UBASH3B: variants seen among roughly 807,000 people sequenced by gnomAD.
UBASH3B encodes ubiquitin associated and SH3 domain containing B.
Under a neutral mutation model 83.4 loss-of-function variants are expected in UBASH3B, and 37 were observed. That is an observed-to-expected ratio of 0.44 (90% CI 0.34 to 0.58). UBASH3B has a LOEUF of 0.58. UBASH3B is among the 20% of genes least tolerant of loss of function. The pLI is 0.01. For synonymous variants in UBASH3B, 304 were observed against 318.3 expected, an observed-to-expected ratio of 0.96 and a Z score of 0.48; for missense variants, 657 against 827.2, an observed-to-expected ratio of 0.79 and a Z score of 2.52.
chr11:122,773,168 C>A (rs1307306729), intron 1 of UBASH3B, among the ~76,000 whole-genome samples: 1 of 152,210 alleles, frequency 6.6e-6, no homozygotes, highest in Admixed American at 6.5e-5. Context: ...GGGTCCACTC[C>A]GCATACTCCC....
chr11:122,663,646 A>G (rs538266487), intron 1 of UBASH3B, among the ~76,000 whole-genome samples: 18 of 152,184 alleles, frequency 1.2e-4, no homozygotes, highest in East Asian at 9.7e-4. Context: ...TGCCTCCCCA[A>G]TCCCAGCCGG....
intron 12 of UBASH3B, among the ~76,000 whole-genome samples, chr11:122,807,292 CTTGA>C (rs1348182379): frequency 2.0e-5 from 3 of 152,190 alleles, no homozygotes; most frequent in Non-Finnish European, 2.9e-5. Context: ...AGTCCTGTAT[CTTGA>C]TTGTCATGGT....
intron 1 of UBASH3B, among the ~76,000 whole-genome samples, chr11:122,769,825 C>T (rs1860611702): frequency 6.6e-6 from 1 of 152,154 alleles, no homozygotes; most frequent in Admixed American, 6.5e-5. Flanking sequence ...CAGTTCATTG[C>T]CGACTTTTAA....
intron 1 of UBASH3B, among the ~76,000 whole-genome samples, chr11:122,711,283 C>T (rs1010260728): frequency 2.6e-5 from 4 of 152,310 alleles, no homozygotes; most frequent in African/African-American, 4.8e-5. Context: ...CCTTGGAATT[C>T]GTAATCATTT....
Position 122,656,159 on chromosome 11 carries a change from A to G in UBASH3B, c.110A>G (p.His37Arg), listed in dbSNP as rs1202900092. 13 of 1,577,346 alleles carry G rather than the reference A, an allele frequency of 8.2e-6. No homozygotes were observed. Among genetic ancestry groups the G allele is most frequent in the South Asian group, 3.5e-5 (3 of 86,050 alleles). ...NRQQRPGTIK[H>R]GSALDVLLSM... is the part of the protein sequence containing the mutation. ...CAACAGCGCCCCGGCACCATCAAGC[A>G]TGGATCGGCGCTGGACGTGCTCCTC... The change falls in exon 1 of 14, where the codon CAT (histidine) becomes CGT (arginine). Residue 37 changes from histidine to arginine, a missense_variant. Coordinates refer to ENST00000284273, the MANE Select transcript of UBASH3B (RefSeq NM_032873.5).
chr11:122,692,074 T>G (rs752764011), intron 1 of UBASH3B, among the ~76,000 whole-genome samples: 2 of 152,106 alleles, frequency 1.3e-5, no homozygotes, highest in African/African-American at 2.4e-5. Flanking sequence ...CTTGGACAAG[T>G]GATTTAATCT....
At chr11:122,789,373 T>C (rs910931028) in intron 6 of UBASH3B, 65 bp downstream of exon 6, 1 of 1,550,500 alleles carries the variant, frequency 6.4e-7, no homozygotes, top group African/African-American at 1.4e-5. Context: ...GGATCCTGGA[T>C]ACACAGGGCA....
Position 122,688,068 on chromosome 11 carries a change from T to C in UBASH3B, c.161+31858T>C, listed in dbSNP as rs565201722. 6.6e-5 allele frequency among the ~76,000 whole-genome samples: 10 copies of C among 152,252 alleles called. No homozygotes were observed. The East Asian group carries it at 1.9e-3, about 29-fold the overall frequency. ...AGCCTTGGAGAAAGAACTGTTCAAC[T>C]GCCTTGGTTTCCCACCTATTTACTG... On this transcript the variant is annotated intron_variant, in intron 1 of 13. Transcript: ENST00000284273.
chr11:122,785,177 C>T (rs573194012), intron 5 of UBASH3B, among the ~76,000 whole-genome samples: 4 of 152,302 alleles, frequency 2.6e-5, no homozygotes, highest in African/African-American at 7.2e-5. Context: ...AGGCAGCAAG[C>T]GCCCACGGGA....
intron 1 of UBASH3B, among the ~76,000 whole-genome samples, chr11:122,719,652 A>G (rs1860588030): frequency 1.3e-5 from 2 of 152,184 alleles, no homozygotes; most frequent in African/African-American, 4.8e-5. Flanking sequence ...TGCAAAACCT[A>G]AAGTGTTAAA....
chr11:122,801,129 C>T (rs1005467713), intron 10 of UBASH3B, 59 bp from the exon 11 acceptor site: 9 of 1,585,048 alleles, frequency 5.7e-6, no homozygotes, highest in Non-Finnish European at 6.9e-6. Context: ...ATTTTTATAA[C>T]AACTTGGCCT....
chr11:122,735,508 G>C (rs4935805), intron 1 of UBASH3B, among the ~76,000 whole-genome samples: 47,890 of 152,060 alleles, frequency 0.31, 9,056 homozygotes, highest in Middle Eastern at 0.49. Flanking sequence ...AACATTTGTT[G>C]AGCACCTAAT....
chr11:122,729,975 T>TAAAAAAAAA (rs34778631), intron 1 of UBASH3B, among the ~76,000 whole-genome samples: 1 of 27,964 alleles, frequency 3.6e-5, no homozygotes, highest in Non-Finnish European at 5.5e-5. Flanking sequence ...AGACCCTATC[T>TAAAAAAAAA]AAAAAAAAAA....
chr11:122,756,095 C>G (rs1192949988), intron 1 of UBASH3B, among the ~76,000 whole-genome samples: 1 of 152,190 alleles, frequency 6.6e-6, no homozygotes, highest in African/African-American at 2.4e-5. Flanking sequence ...GTTGGCCTAA[C>G]AGGAATCAAG....
chr11:122,755,338 A>C lies in UBASH3B; in HGVS notation c.162-20881A>C, dbSNP rs569181019. 7.4e-4 allele frequency among the ~76,000 whole-genome samples: 112 copies of C among 152,278 alleles called. 1 individual carries two copies. The highest frequency in any genetic ancestry group is 3.4e-3 in the Middle Eastern group (1 of 294). On this transcript the variant is annotated intron_variant, in intron 1 of 13. Transcript: ENST00000284273. Reference sequence around the variant, plus strand: ...CATGCAGAAGGCTCCGGTAACCCACATAGCAGTTGGCCTTTTGGCTTATAG... The same window carrying C: ...CATGCAGAAGGCTCCGGTAACCCACCTAGCAGTTGGCCTTTTGGCTTATAG...
intron 1 of UBASH3B, among the ~76,000 whole-genome samples, chr11:122,656,961 G>C (rs1054269195): frequency 1.1e-4 from 16 of 152,208 alleles, no homozygotes; most frequent in African/African-American, 3.4e-4. Flanking sequence ...GCTGCCCCTG[G>C]AGCCTGCTGG....
At chr11:122,676,579 G>GGCACAGGCCCGTAGTCTCAGTT (rs1863670603) in intron 1 of UBASH3B, among the ~76,000 whole-genome samples, 3 of 152,070 alleles carry the variant, frequency 2.0e-5, no homozygotes, top group Admixed American at 6.6e-5. Flanking sequence ...TGGGCATGGT[G>GGCACAGGCCCGTAGTCTCAGTT]GCACAGGCCC....
chr11:122,764,374 C>G (rs1362696264), intron 1 of UBASH3B, among the ~76,000 whole-genome samples: 1 of 152,256 alleles, frequency 6.6e-6, no homozygotes, highest in Non-Finnish European at 1.5e-5. Flanking sequence ...GTAATCACTT[C>G]CTTTCTGAAA....
intron 1 of UBASH3B, among the ~76,000 whole-genome samples, chr11:122,720,741 C>T (rs1860611758): frequency 6.6e-6 from 1 of 152,172 alleles, no homozygotes. Context: ...GCTCTCCCTC[C>T]CTGACTCATT....
Sources: allele counts gnomAD v4.1 joint callset (sites outside exome capture counted in the v4.1 genomes callset), GRCh38; gene constraint gnomAD v4.1.1; transcripts MANE v1.5; gene names NCBI Gene and HGNC (gene_info 2026-07-23, HGNC 2026-07-21).